Variants in DDR2 observed in about 807,000 individuals in gnomAD.
The protein encoded by DDR2 is discoidin domain receptor tyrosine kinase 2, also known as discoidin domain-containing receptor 2.
A neutral mutation model predicts 94.9 loss-of-function variants in DDR2; 27 were observed. That is an observed-to-expected ratio of 0.28 (90% confidence interval 0.21 to 0.39). The LOEUF (loss-of-function observed/expected upper bound fraction) is 0.39. DDR2 is among the 10% of genes least tolerant of loss of function. DDR2 has a pLI of 1.00. For missense variants in DDR2, 783 were observed against 1,076.0 expected, an observed-to-expected ratio of 0.73 and a Z score of 3.81; for synonymous variants, 382 against 377.2, an observed-to-expected ratio of 1.01 and a Z score of -0.15.
intron 1 of DDR2, among the ~76,000 whole-genome samples, chr1:162,654,567 T>C (rs1314133861): frequency 6.6e-6 from 1 of 152,226 alleles, no homozygotes; most frequent in African/African-American, 2.4e-5. Flanking sequence ...TAATTAGTTA[T>C]ATCTGAAGGA....
At chr1:162,676,453 T>C (rs533233530) in intron 2 of DDR2, among the ~76,000 whole-genome samples, 7 of 152,322 alleles carry the variant, frequency 4.6e-5, no homozygotes, top group African/African-American at 1.7e-4. Context: ...GGAGAAAATA[T>C]GTTATGTATC....
chr1:162,668,241 G>A (rs1202931744), intron 2 of DDR2, among the ~76,000 whole-genome samples: 2 of 152,178 alleles, frequency 1.3e-5, no homozygotes, highest in Non-Finnish European at 2.9e-5. Context: ...GGAAGTAAAG[G>A]TACTGTGGCA....
At chr1:162,677,714 C>A (rs1170748746) in intron 2 of DDR2, among the ~76,000 whole-genome samples, 3 of 152,150 alleles carry the variant, frequency 2.0e-5, no homozygotes, top group Admixed American at 6.5e-5. Context: ...GGGAACCAGG[C>A]AGAAACAAGT....
intron 16 of DDR2, 75 bp downstream of exon 16, chr1:162,776,445 C>T: frequency 2.1e-6 from 3 of 1,421,292 alleles, no homozygotes; most frequent in South Asian, 2.3e-5. Context: ...TGGAGACAAA[C>T]CTGAGACAGC....
Position 162,780,240 on chromosome 1 carries a change from C to T in DDR2, c.2562C>T (p.Asp854=), listed in dbSNP as rs368082815. The T allele has an allele frequency of 1.8e-4, 294 of 1,613,834 alleles. 4 individuals are homozygous for T. In the South Asian group the frequency reaches 2.8e-3, roughly 15 times the overall value. ...EIHLLLLQQG[D]E ...ACCTTCTGCTCCTTCAACAAGGCGACGAGTGATGCTGTCAGTGCCTGGCCA... is the reference window on the plus strand; with the variant it reads ...ACCTTCTGCTCCTTCAACAAGGCGATGAGTGATGCTGTCAGTGCCTGGCCA... The change falls in exon 18 of 18, where the codon GAC becomes GAT. Residue 854 remains aspartate (D), a synonymous_variant. Transcript: ENST00000367921.
At chr1:162,773,437 G>C (rs778143162) in intron 13 of DDR2, 32 bp from the exon 14 acceptor site, 18 of 1,611,666 alleles carry the variant, frequency 1.1e-5, no homozygotes, top group African/African-American at 1.3e-5. Flanking sequence ...CAGGAGAAAT[G>C]ATGATGCTGA....
At chr1:162,679,933 T>C (rs1461620618) in intron 2 of DDR2, among the ~76,000 whole-genome samples, 1 of 152,172 alleles carries the variant, frequency 6.6e-6, no homozygotes, top group Non-Finnish European at 1.5e-5. Flanking sequence ...ATGTACGTCT[T>C]TTTTTGAAAA....
At chr1:162,673,501 A>T (rs1658968638) in intron 2 of DDR2, among the ~76,000 whole-genome samples, 1 of 152,056 alleles carries the variant, frequency 6.6e-6, no homozygotes, top group African/African-American at 2.4e-5. Context: ...AAAAGATGAG[A>T]AGATGAAGCA....
intron 3 of DDR2, among the ~76,000 whole-genome samples, chr1:162,751,632 C>A (rs1663199960): frequency 6.6e-6 from 1 of 152,188 alleles, no homozygotes; most frequent in South Asian, 2.1e-4. Flanking sequence ...TTTGACCCAG[C>A]AATCCCATTA....
chr1:162,690,821 C>T (rs1379296015), intron 2 of DDR2, among the ~76,000 whole-genome samples: 1 of 152,156 alleles, frequency 6.6e-6, no homozygotes, highest in East Asian at 1.9e-4. Flanking sequence ...CCCTCTGAGC[C>T]CTGGGCATTC....
intron 3 of DDR2, among the ~76,000 whole-genome samples, chr1:162,726,399 T>C (rs1394170568): frequency 6.6e-6 from 1 of 152,206 alleles, no homozygotes; most frequent in African/African-American, 2.4e-5. Context: ...TCCAAATACA[T>C]CTACTGCATC....
In DDR2 at chr1:162,761,367, C is replaced by T. The variant is rs1274236205; in HGVS notation, c.1012C>T (p.Leu338Phe). The change falls in exon 9 of 18, where the codon CTC (leucine) becomes TTC (phenylalanine). Residue 338 changes from leucine to phenylalanine, a missense_variant. Leu to Phe is a conservative substitution (Grantham distance 22). Transcript: ENST00000367921. ...NPSARFVTVP[L>F]HHRMASAIKC... ...CAGTGCTCGGTTTGTCACGGTGCCT[C>T]TCCACCACCGAATGGCCAGTGCCAT... 6.8e-6 allele frequency: 11 copies of T among 1,614,104 alleles called. No homozygotes were observed. The highest frequency in any genetic ancestry group is 5.0e-5 in the Admixed American group (3 of 60,012).
At chr1:162,664,595 C>T (rs1558013354) in intron 2 of DDR2, among the ~76,000 whole-genome samples, 2 of 151,826 alleles carry the variant, frequency 1.3e-5, no homozygotes, top group East Asian at 1.9e-4. Flanking sequence ...ATAAAAGTCA[C>T]AATGTAATAT....
chr1:162,708,461 G>A (rs1299941591), intron 2 of DDR2, among the ~76,000 whole-genome samples: 2 of 152,176 alleles, frequency 1.3e-5, no homozygotes, highest in African/African-American at 4.8e-5. Context: ...TGGTGGAAAT[G>A]GCACAATCAA....
intron 3 of DDR2, among the ~76,000 whole-genome samples, chr1:162,721,898 C>T (rs527719563): frequency 6.6e-6 from 1 of 152,022 alleles, no homozygotes; most frequent in Non-Finnish European, 1.5e-5. Context: ...GCATTAAACT[C>T]AATAAAATAA....
chr1:162,676,413 C>T (rs1321813653), intron 2 of DDR2, among the ~76,000 whole-genome samples: 4 of 152,166 alleles, frequency 2.6e-5, no homozygotes, highest in Non-Finnish European at 4.4e-5. Flanking sequence ...TAATACTTTA[C>T]CCCCTGCTAG....
At chr1:162,646,565 T>C (rs1215032368) in intron 1 of DDR2, among the ~76,000 whole-genome samples, 2 of 152,206 alleles carry the variant, frequency 1.3e-5, no homozygotes, top group African/African-American at 2.4e-5. Context: ...TTTGAACCTA[T>C]ATCTTTCTCA....
At chr1:162,659,641 C>T (rs1184536577) in intron 2 of DDR2, among the ~76,000 whole-genome samples, 1 of 152,170 alleles carries the variant, frequency 6.6e-6, no homozygotes, top group Non-Finnish European at 1.5e-5. Context: ...GTTTTACGTG[C>T]TCTAGCAGGG....
intron 13 of DDR2, among the ~76,000 whole-genome samples, chr1:162,772,776 C>A (rs1318332129): frequency 6.6e-6 from 1 of 152,180 alleles, no homozygotes; most frequent in African/African-American, 2.4e-5. Context: ...CATTATTAAA[C>A]TTTTCATTCT....
Sources: allele counts gnomAD v4.1 joint callset (sites outside exome capture counted in the v4.1 genomes callset), GRCh38; gene constraint gnomAD v4.1.1; transcripts MANE v1.5; gene names NCBI Gene and HGNC (gene_info 2026-07-23, HGNC 2026-07-21).